Variants in STK32B observed in about 807,000 individuals in gnomAD.
STK32B encodes serine/threonine-protein kinase 32B.
Under a neutral mutation model 52.6 loss-of-function variants are expected in STK32B, and 43 were observed. The ratio of observed to expected loss-of-function variants is 0.82; its 90% CI spans 0.64 to 1.05. The LOEUF is 1.05. Ranked by LOEUF, STK32B falls within the 50% of genes least tolerant of loss-of-function variation. The pLI is 0.00. For missense variants in STK32B, 621 were observed against 534.6 expected (o/e 1.16, Z -1.59); for synonymous variants, 238 against 204.3 (o/e 1.17, Z -1.41).
chr4:5,149,139 A>G lies in STK32B; in HGVS notation c.108+9179A>G, dbSNP rs114693581. Among the ~76,000 whole-genome samples, 1,375 of 152,002 alleles carry G rather than the reference A, an allele frequency of 9.0e-3. 17 individuals are homozygous for G. The highest frequency in any genetic ancestry group is 0.031 in the African/African-American group (1,307 of 41,548). ...TTAAAATGTTTGATAGGATTTACAC[A>G]TGAATTTATATAGCCGTTCTAACCT... On this transcript the variant is annotated intron_variant, in intron 2 of 11. Coordinates refer to ENST00000282908, the MANE Select transcript of STK32B (RefSeq NM_018401.3).
intron 3 of STK32B, among the ~76,000 whole-genome samples, chr4:5,279,642 C>T (rs1420607767): frequency 6.6e-6 from 1 of 152,216 alleles, no homozygotes. Context: ...GGAGCTCCAA[C>T]CCCACATATC....
intron 11 of STK32B, among the ~76,000 whole-genome samples, chr4:5,482,073 A>G (rs1718761898): frequency 1.3e-5 from 2 of 152,186 alleles, no homozygotes; most frequent in East Asian, 1.9e-4. Context: ...TGTGGGCTCT[A>G]TTTTGGTTCC....
chr4:5,372,902 C>A (rs1735344472), intron 4 of STK32B, among the ~76,000 whole-genome samples: 1 of 152,180 alleles, frequency 6.6e-6, no homozygotes, highest in African/African-American at 2.4e-5. Flanking sequence ...GGTTGAGCCT[C>A]TTCAGGACAT....
At chr4:5,236,123 C>A (rs77350486) in intron 3 of STK32B, among the ~76,000 whole-genome samples, 6,145 of 152,220 alleles carry the variant, frequency 0.04, 203 homozygotes, top group African/African-American at 0.092. Flanking sequence ...AGCTGCCTTT[C>A]AAGGTAGCAT....
chr4:5,072,493 C>G (rs1184048421), intron 1 of STK32B, among the ~76,000 whole-genome samples: 13 of 152,092 alleles, frequency 8.5e-5, no homozygotes, highest in Admixed American at 8.5e-4. Context: ...TCATTCATGT[C>G]CCTTCACTCT....
chr4:5,221,397 G>A (rs889869540), intron 3 of STK32B, among the ~76,000 whole-genome samples: 8 of 152,276 alleles, frequency 5.3e-5, no homozygotes, highest in African/African-American at 1.9e-4. Context: ...AGGAGATAGG[G>A]AAGAGATGGA....
At chr4:5,162,119 C>T (rs1400860343) in intron 2 of STK32B, among the ~76,000 whole-genome samples, 1 of 152,140 alleles carries the variant, frequency 6.6e-6, no homozygotes, top group Non-Finnish European at 1.5e-5. Flanking sequence ...ACTTTGCACC[C>T]CATAGTCCTG....
chr4:5,099,171 T>C (rs1003909220), intron 1 of STK32B, among the ~76,000 whole-genome samples: 2 of 152,084 alleles, frequency 1.3e-5, no homozygotes, highest in Non-Finnish European at 2.9e-5. Flanking sequence ...GCTATTTGAG[T>C]TCTTCTCACA....
intron 2 of STK32B, among the ~76,000 whole-genome samples, chr4:5,149,008 T>C (rs966236471): frequency 4.6e-5 from 7 of 151,830 alleles, no homozygotes; most frequent in East Asian, 1.9e-4. Context: ...TTGAAACTTA[T>C]TTTCTTTGAG....
intron 3 of STK32B, among the ~76,000 whole-genome samples, chr4:5,231,425 A>G (rs1724259475): frequency 6.6e-6 from 1 of 152,132 alleles, no homozygotes; most frequent in African/African-American, 2.4e-5. Flanking sequence ...AGCCTGGCCA[A>G]CGTGGCAAAA....
At chr4:5,230,972 C>T (rs186697422) in intron 3 of STK32B, among the ~76,000 whole-genome samples, 19 of 152,282 alleles carry the variant, frequency 1.2e-4, no homozygotes, top group Admixed American at 7.8e-4. Flanking sequence ...GAAAAGGATA[C>T]GGACACTTCT....
At chr4:5,083,806 G>T (rs555989108) in intron 1 of STK32B, among the ~76,000 whole-genome samples, 1 of 150,648 alleles carries the variant, frequency 6.6e-6, no homozygotes, top group Non-Finnish European at 1.5e-5. Flanking sequence ...GCACAATCTC[G>T]GCTCACTGCA....
chr4:5,284,266 G>A (rs1199162743), intron 3 of STK32B, among the ~76,000 whole-genome samples: 2 of 152,078 alleles, frequency 1.3e-5, no homozygotes, highest in African/African-American at 4.8e-5. Flanking sequence ...AACCACAAAA[G>A]AAGACAGCAA....
At chr4:5,176,760 G>T (rs914695258) in intron 3 of STK32B, among the ~76,000 whole-genome samples, 7 of 152,184 alleles carry the variant, frequency 4.6e-5, no homozygotes, top group African/African-American at 1.7e-4. Context: ...ACCATTTCTT[G>T]ATCCTCTGTT....
intron 3 of STK32B, among the ~76,000 whole-genome samples, chr4:5,314,656 G>T (rs1271294203): frequency 6.6e-6 from 1 of 152,094 alleles, no homozygotes; most frequent in Non-Finnish European, 1.5e-5. Context: ...GGTGATAAGA[G>T]CAAGACTCCG....
chr4:5,301,771 T>A (rs1577314912), intron 3 of STK32B, among the ~76,000 whole-genome samples: 1 of 149,576 alleles, frequency 6.7e-6, no homozygotes, highest in African/African-American at 2.5e-5. Context: ...AAACTGTTAG[T>A]TTATCTTTTA....
upstream of STK32B, among the ~76,000 whole-genome samples, chr4:5,046,560 A>C (rs1741621478): frequency 6.6e-6 from 1 of 152,248 alleles, no homozygotes; most frequent in Admixed American, 6.5e-5. Context: ...CAACCTACAG[A>C]ATAGGAGAAC....
At position 5,312,186 on chromosome 4, in the gene STK32B, TG is replaced by T. The variant is rs934624265; in HGVS notation, c.261-19033del. Among the ~76,000 whole-genome samples, 66 of 151,654 alleles carry T rather than the reference TG, an allele frequency of 4.4e-4. 1 individual carries two copies. Among genetic ancestry groups the T allele is most frequent in the Non-Finnish European group, 6.2e-4 (42 of 67,896 alleles). Reference sequence around the variant, plus strand: ...TTTTATGTCTACCTCAAGAAATCTTTGCCATCCTAAGATCACAAAGATTTTC... The same window carrying T: ...TTTTATGTCTACCTCAAGAAATCTTTCCATCCTAAGATCACAAAGATTTTC... On this transcript the variant is annotated intron_variant, in intron 3 of 11. Transcript: ENST00000282908.
chr4:5,495,866 C>T (rs1429559188), intron 11 of STK32B, among the ~76,000 whole-genome samples: 1 of 152,170 alleles, frequency 6.6e-6, no homozygotes, highest in Non-Finnish European at 1.5e-5. Context: ...GCCTGGGTAC[C>T]AGCAGTGGTG....
Sources: allele counts gnomAD v4.1 joint callset (sites outside exome capture counted in the v4.1 genomes callset), GRCh38; gene constraint gnomAD v4.1.1; transcripts MANE v1.5; gene names NCBI Gene and HGNC (gene_info 2026-07-23, HGNC 2026-07-21).